The following ELOA variants were observed in gnomAD, a reference collection of about 807,000 sequenced individuals.
The protein encoded by ELOA is elongin A, also known as elongin-A.
In ELOA, 15 loss-of-function variants were observed where a neutral mutation model predicts 85.2. The ratio of observed to expected loss-of-function variants is 0.18; its 90% confidence interval spans 0.12 to 0.27. ELOA has a LOEUF of 0.27. ELOA is among the 10% of genes least tolerant of loss of function. The probability of loss-of-function intolerance (pLI) is 1.00; values close to 1 mark genes in which losing one functional copy is unlikely to be tolerated. For synonymous variants in ELOA, 348 were observed against 357.2 expected (o/e 0.97, Z 0.29); for missense variants, 769 against 952.7 (o/e 0.81, Z 2.54).
chr1:23,751,262 G>C lies in ELOA; in HGVS notation c.657G>C (p.Gln219His), dbSNP rs781057487. The change falls in exon 4 of 11, where the codon CAG (glutamine) becomes CAC (histidine). Residue 219 changes from glutamine (Q) to histidine (H), a missense_variant. Physicochemically the swap from Gln to His is conservative, Grantham distance 24. Around this residue, in one of 4 missense-constraint regions of ELOA, gnomAD observed 440 missense variants for 474.0 expected, o/e 0.93. Coordinates refer to ENST00000613537, the MANE Select transcript of ELOA (RefSeq NM_003198.3). ...KPGKGHSNAF[Q>H]DRLGASQERH... ...GGAAAGGCCACAGCAATGCCTTTCA[G>C]GACAGACTCGGGGCCAGCCAAGAAC... 6 of 1,614,100 alleles carry C rather than the reference G, an allele frequency of 3.7e-6. No individual in the cohort carries two copies. The highest frequency in any genetic ancestry group is 5.1e-6 in the Non-Finnish European group (6 of 1,180,052).
intron 3 of ELOA, among the ~76,000 whole-genome samples, chr1:23,750,321 A>G (rs1387673420): frequency 6.6e-6 from 1 of 151,498 alleles, no homozygotes; most frequent in East Asian, 1.9e-4. Flanking sequence ...GACCACAGGC[A>G]CCCGCCACCA....
At chr1:23,747,563 G>T (rs923748637) in intron 1 of ELOA, among the ~76,000 whole-genome samples, 2 of 152,162 alleles carry the variant, frequency 1.3e-5, no homozygotes, top group African/African-American at 4.8e-5. Flanking sequence ...ACTTGTTTTT[G>T]ACCTTTTCAG....
chr1:23,751,770 C>T lies in ELOA; in HGVS notation c.1165C>T (p.Pro389Ser). The T allele has an allele frequency of 3.1e-6, 5 of 1,614,100 alleles. No individual in the cohort carries two copies. Among genetic ancestry groups the T allele is most frequent in the Non-Finnish European group, 4.2e-6 (5 of 1,180,028 alleles). ...GGATAGAAAGTCACTGGGCTCCCTCCCTAAAGTTGAGGAGACAGATATGGA... is the reference window on the plus strand; with the variant it reads ...GGATAGAAAGTCACTGGGCTCCCTCTCTAAAGTTGAGGAGACAGATATGGA... ...NLDRKSLGSLPKVEETDMEDE... is the reference protein window; with the variant it reads ...NLDRKSLGSLSKVEETDMEDE... The change falls in exon 4 of 11, where the codon CCT (proline) becomes TCT (serine). Residue 389 changes from proline to serine, a missense_variant. Physicochemically the swap from Pro to Ser is moderately conservative, Grantham distance 74. Coordinates refer to ENST00000613537, the MANE Select transcript of ELOA (RefSeq NM_003198.3).
chr1:23,750,165 CG>C (rs1453081660), intron 3 of ELOA, among the ~76,000 whole-genome samples: 1 of 111,214 alleles, frequency 9.0e-6, no homozygotes, highest in African/African-American at 3.5e-5. Flanking sequence ...CATTTTGGTA[CG>C]TTTCTTTTTT....
At chr1:23,750,820 T>A in intron 3 of ELOA, 25 bp from the exon 4 acceptor site, 1 of 1,535,238 alleles carries the variant, frequency 6.5e-7, no homozygotes, top group Non-Finnish European at 8.7e-7. Context: ...TAGACCTACT[T>A]TGTCTGCTTT....
In ELOA at chr1:23,749,853, T is replaced by A. The variant is rs1644761029; in HGVS notation, c.144T>A (p.Val48=). The change falls in exon 3 of 11, where the codon GTT becomes GTA. Residue 48 remains valine (V), a synonymous_variant. Transcript: ENST00000613537. ...ITVDILAETG[V]GKTVNSLRKH... Reference sequence around the variant, plus strand: ...TTGTCAAATTTTAGGAGACTGGGGTTGGGAAAACAGTAAATAGCTTGCGAA... The same window carrying A: ...TTGTCAAATTTTAGGAGACTGGGGTAGGGAAAACAGTAAATAGCTTGCGAA... 5.6e-6 allele frequency: 9 copies of A among 1,613,820 alleles called. No individual in the cohort carries two copies. The highest frequency in any genetic ancestry group is 7.6e-6 in the Non-Finnish European group (9 of 1,179,816).
intron 8 of ELOA, 111 bp downstream of exon 8, chr1:23,756,134 G>T: frequency 6.8e-7 from 1 of 1,463,924 alleles, no homozygotes; most frequent in Non-Finnish European, 9.2e-7. Context: ...ACATCAGGTA[G>T]CAGGGTGGGT....
chr1:23,759,940 C>T lies in ELOA; in HGVS notation c.*367C>T. On this transcript the variant is annotated 3_prime_UTR_variant, in exon 11 of 11. Transcript: ENST00000613537. ...GTTTGTTTTTGTTTTTTGTCCTCTA[C>T]CACACATTTAGCCTTTTATCTTCCA... 4.1e-6 allele frequency: 1 copy of T among 243,238 alleles called. No homozygotes were observed. The highest frequency in any genetic ancestry group is 8.1e-6 in the Non-Finnish European group (1 of 123,166). The allele number at this position is 243,238 out of a possible 1,614,324, so 15.1% of individuals were successfully genotyped here.
In ELOA at chr1:23,758,251, ATTTATTTATTTTTTTTTTT is replaced by A. The variant is rs1364103246; in HGVS notation, c.2257+1130_2257+1148del. On this transcript the variant is annotated intron_variant, in intron 10 of 10. Transcript: ENST00000613537. The stretch of plus-strand genomic sequence containing the variant: ...TATATCTAATTGGGTCTTCCAATTT[ATTTATTTATTTTTTTTTTT>A]TTTTTTTTTTTTTTTTTTTTGGAGA... 1.3e-3 allele frequency among the ~76,000 whole-genome samples: 64 copies of A among 48,560 alleles called. 1 individual carries two copies. Among genetic ancestry groups the A allele is most frequent in the East Asian group, 3.7e-3 (6 of 1,602 alleles). 31.9% of individuals were successfully genotyped at this position (48,560 alleles called of 152,430 possible). A position where few individuals can be genotyped will look rare whatever the true frequency, so the allele number is the denominator to read the frequency against.
In ELOA at chr1:23,751,451, G is replaced by A. The variant is rs1256497737; in HGVS notation, c.846G>A (p.Arg282=). 1.9e-6 allele frequency: 3 copies of A among 1,614,082 alleles called. No homozygotes were observed. Among genetic ancestry groups the A allele is most frequent in the Non-Finnish European group, 2.5e-6 (3 of 1,180,018 alleles). ...HKALSKEENR[R]PPSGDNAREK... is the part of the protein sequence containing the mutation. ...CCCTCTCCAAAGAGGAGAACCGAAGGCCACCCTCAGGGGACAATGCAAGGG... is the reference window on the plus strand; with the variant it reads ...CCCTCTCCAAAGAGGAGAACCGAAGACCACCCTCAGGGGACAATGCAAGGG... The change falls in exon 4 of 11, where the codon AGG becomes AGA. Residue 282 remains arginine, a synonymous_variant. Coordinates refer to ENST00000613537, the MANE Select transcript of ELOA (RefSeq NM_003198.3).
chr1:23,750,979 G>T lies in ELOA; in HGVS notation c.374G>T (p.Ser125Ile). The T allele has an allele frequency of 1.2e-6, 2 of 1,614,050 alleles. No homozygotes were observed. The highest frequency in any genetic ancestry group is 1.7e-6 in the Non-Finnish European group (2 of 1,180,018). ...TWKATGSRSY[S>I]PDHRQKKHRK... is the part of the protein sequence containing the mutation. ...AAAGCCACGGGGAGCCGATCCTATA[G>T]CCCTGACCACAGGCAGAAGAAACAT... is the stretch of plus-strand genomic sequence containing the variant. Residue 125 changes from serine to isoleucine, a missense_variant, in exon 4 of 11, where the codon AGC becomes ATC. Physicochemically the swap from Ser to Ile is moderately radical, Grantham distance 142 (BLOSUM62 -2). Transcript: ENST00000613537.
In ELOA at chr1:23,757,132, A is replaced by G; in HGVS notation, c.2257+7A>G. The G allele has an allele frequency of 6.5e-7, 1 of 1,532,860 alleles. No homozygotes were observed. Among genetic ancestry groups the G allele is most frequent in the Non-Finnish European group, 8.7e-7 (1 of 1,142,938 alleles). 95.0% of individuals were successfully genotyped at this position (1,532,860 alleles called of 1,614,324 possible). ...AGGAAACCCACTGTGAAGAGTAAGT[A>G]ACTTGGAGTTCCTGCTCAAATATTA... On this transcript the variant is annotated splice_region_variant and intron_variant, in intron 10 of 10. Transcript: ENST00000613537.
intron 1 of ELOA, 51 bp downstream of exon 1, chr1:23,743,629 C>T (rs1644732932): frequency 1.4e-6 from 2 of 1,431,542 alleles, no homozygotes; most frequent in South Asian, 2.8e-5. Context: ...CGGTGAGGGC[C>T]CCGTAACGGT....
intron 10 of ELOA, among the ~76,000 whole-genome samples, chr1:23,757,689 C>A (rs540978625): frequency 6.6e-6 from 1 of 151,742 alleles, no homozygotes; most frequent in Non-Finnish European, 1.5e-5. Context: ...TTAGTAGAGA[C>A]GGGGTTTCAC....
In ELOA at chr1:23,759,597, G is replaced by C. The variant is rs747449235; in HGVS notation, c.*24G>C. On this transcript the variant is annotated 3_prime_UTR_variant, in exon 11 of 11. Transcript: ENST00000613537. ...AAACTGAGGACTTGCCTTGGAAATGGAATCTGGGGAGGCAGGAATACAAGG... is the reference window on the plus strand; with the variant it reads ...AAACTGAGGACTTGCCTTGGAAATGCAATCTGGGGAGGCAGGAATACAAGG... 80 of 1,612,966 alleles carry C rather than the reference G, an allele frequency of 5.0e-5. No homozygotes were observed. In the South Asian group the frequency reaches 8.8e-4, roughly 18 times the overall value.
chr1:23,759,819 T>G lies in ELOA; in HGVS notation c.*246T>G. 1.9e-6 allele frequency: 1 copy of G among 517,576 alleles called. No homozygotes were observed. The highest frequency in any genetic ancestry group is 2.5e-5 in the South Asian group (1 of 39,266). The allele number at this position is 517,576 out of a possible 1,614,324, so 32.1% of individuals were successfully genotyped here. A position where few individuals can be genotyped will look rare whatever the true frequency, so the allele number is the denominator to read the frequency against. On this transcript the variant is annotated 3_prime_UTR_variant, in exon 11 of 11. Coordinates refer to ENST00000613537, the MANE Select transcript of ELOA (RefSeq NM_003198.3). ...TCTCACTGAGGATTTTAAAGGTCAA[T>G]TATACTTTTGTTGTTCATTAGCATC...
chr1:23,758,115 T>C (rs1368740534), intron 10 of ELOA, among the ~76,000 whole-genome samples: 2 of 151,660 alleles, frequency 1.3e-5, no homozygotes, highest in African/African-American at 4.8e-5. Context: ...TAAACTGACT[T>C]CTCTAGGCAA....
intron 5 of ELOA, 55 bp from the exon 6 acceptor site, chr1:23,754,045 A>G (rs1405346486): frequency 4.8e-5 from 77 of 1,594,338 alleles, no homozygotes; most frequent in Admixed American, 1.4e-4. Flanking sequence ...AAGGGGGTAG[A>G]AGGAGAGTTT....
intron 1 of ELOA, among the ~76,000 whole-genome samples, chr1:23,745,397 AT>A (rs541445828): frequency 1.3e-4 from 20 of 148,922 alleles, no homozygotes; most frequent in South Asian, 2.1e-4. Context: ...GTCTACAGTC[AT>A]TTTTTTTTTA....
Sources: gnomAD v4.1 joint callset for allele counts (sites outside exome capture counted in the v4.1 genomes callset) on GRCh38, gnomAD v4.1.1 for gene constraint, gnomAD v4.1.1 regional missense constraint, MANE v1.5 for transcripts, NCBI Gene and HGNC (gene_info 2026-07-23, HGNC 2026-07-21) for gene names.